Variants in NAV3 observed in about 807,000 individuals in gnomAD.
The protein encoded by NAV3 is neuron navigator 3, also known as pore membrane and/or filament interacting like protein 1.
Under a neutral mutation model 244.7 loss-of-function variants are expected in NAV3, and 87 were observed. That is an observed-to-expected ratio of 0.36 (90% CI 0.30 to 0.42). NAV3 has a LOEUF of 0.42. NAV3 is among the 20% of genes least tolerant of loss of function. The pLI is 1.00. For synonymous variants in NAV3, 1,126 were observed against 1,042.2 expected, an observed-to-expected ratio of 1.08 and a Z score of -1.55; for missense variants, 2,663 against 2,893.3, an observed-to-expected ratio of 0.92 and a Z score of 1.83.
At position 78,062,412 on chromosome 12, in the gene NAV3, A is replaced by T. The variant is rs374896088; in HGVS notation, c.2636+3297A>T. Among the ~76,000 whole-genome samples the T allele has an allele frequency of 2.0e-5, 3 of 152,236 alleles. No homozygotes were observed. In the East Asian group the frequency reaches 5.8e-4, roughly 29 times the overall value. On this transcript the variant is annotated intron_variant, in intron 12 of 39. Coordinates refer to ENST00000397909, the MANE Select transcript of NAV3 (RefSeq NM_001024383.2). Reference sequence around the variant, plus strand: ...AGACAATAGTAGACATTGTAAATCAAAAATAGTTTTCTGGGGTTGTGTACA... The same window carrying T: ...AGACAATAGTAGACATTGTAAATCATAAATAGTTTTCTGGGGTTGTGTACA...
intron 6 of NAV3, among the ~76,000 whole-genome samples, chr12:77,995,340 T>G (rs1593226448): frequency 6.6e-6 from 1 of 152,200 alleles, no homozygotes; most frequent in East Asian, 1.9e-4. Flanking sequence ...AATAGTTTAA[T>G]TTTTTTGCTT....
At chr12:77,821,541 T>C (rs192695736) in intron 2 of NAV3, among the ~76,000 whole-genome samples, 46 of 152,320 alleles carry the variant, frequency 3.0e-4, no homozygotes, top group Admixed American at 3.0e-3. Flanking sequence ...CAAGTGATCC[T>C]ATAAATCTTT....
intron 1 of NAV3, among the ~76,000 whole-genome samples, chr12:77,923,427 T>TA (rs1291976560): frequency 2.0e-5 from 3 of 152,064 alleles, no homozygotes; most frequent in Non-Finnish European, 4.4e-5. Flanking sequence ...TCCAAATTTT[T>TA]AAAAAAATCT....
intron 3 of NAV3, among the ~76,000 whole-genome samples, chr12:77,951,131 C>T (rs1221575326): frequency 6.6e-6 from 1 of 152,270 alleles, no homozygotes; most frequent in East Asian, 1.9e-4. Context: ...AGTGAACAGG[C>T]AACCTACAAA....
intron 2 of NAV3, among the ~76,000 whole-genome samples, chr12:77,679,467 G>A (rs1035041732): frequency 1.3e-5 from 2 of 151,962 alleles, no homozygotes; most frequent in South Asian, 4.1e-4. Flanking sequence ...TTCCCTTCTC[G>A]TCATGTTGAG....
Position 77,766,735 on chromosome 12 carries a change from G to GTT in NAV3, c.73-173549_73-173548dup, listed in dbSNP as rs748531378. Among the ~76,000 whole-genome samples, 93 of 60,514 alleles carry GTT rather than the reference G, an allele frequency of 1.5e-3. 16 individuals carry two copies. Among genetic ancestry groups the GTT allele is most frequent in the African/African-American group, 5.1e-3 (81 of 15,832 alleles). The allele number at this position is 60,514 out of a possible 152,430, so 39.7% of individuals were successfully genotyped here. ...AGGATTCTAAAAAACAGGCAATTAA[G>GTT]TTTTTTTTTTTTTTTTTTTTTTTTT... On this transcript the variant is annotated intron_variant, in intron 2 of 8. Coordinates refer to the NAV3 transcript ENST00000550042.
chr12:77,646,704 G>A (rs1464351608), intron 2 of NAV3, among the ~76,000 whole-genome samples: 2 of 152,048 alleles, frequency 1.3e-5, no homozygotes, highest in African/African-American at 2.4e-5. Flanking sequence ...AAGATGTTGG[G>A]GTTGGGGGTG....
intron 1 of NAV3, among the ~76,000 whole-genome samples, chr12:77,848,934 T>C (rs1281972544): frequency 2.0e-5 from 3 of 152,198 alleles, no homozygotes; most frequent in African/African-American, 7.2e-5. Flanking sequence ...GAAAGAGATA[T>C]GTGCTGTGTT....
At chr12:78,169,108 A>G (rs1957898280) in intron 24 of NAV3, among the ~76,000 whole-genome samples, 1 of 151,794 alleles carries the variant, frequency 6.6e-6, no homozygotes, top group Admixed American at 6.6e-5. Flanking sequence ...AACTGATCTT[A>G]AGAAATTTGG....
intron 2 of NAV3, among the ~76,000 whole-genome samples, chr12:77,592,196 G>A (rs711107): frequency 6.6e-6 from 1 of 152,138 alleles, no homozygotes; most frequent in Non-Finnish European, 1.5e-5. Flanking sequence ...TCAACATGGG[G>A]CTGGAGACTG....
intron 38 of NAV3, among the ~76,000 whole-genome samples, chr12:78,203,959 A>G (rs1960014741): frequency 6.6e-6 from 1 of 151,382 alleles, no homozygotes; most frequent in Admixed American, 6.6e-5. Context: ...TGATTCTTCC[A>G]TTCCACTGCC....
intron 2 of NAV3, among the ~76,000 whole-genome samples, chr12:77,734,663 T>C (rs1877264068): frequency 6.6e-6 from 1 of 152,160 alleles, no homozygotes; most frequent in Non-Finnish European, 1.5e-5. Context: ...ATTTATTTTT[T>C]TAAACCTCCA....
chr12:77,645,367 G>T (rs1257331124), intron 2 of NAV3, among the ~76,000 whole-genome samples: 2 of 151,372 alleles, frequency 1.3e-5, no homozygotes, highest in African/African-American at 4.9e-5. Flanking sequence ...ACCTCAGCTG[G>T]AATTCTGCTT....
Position 78,177,241 on chromosome 12 carries a change from C to T in NAV3, c.5225C>T (p.Ala1742Val), listed in dbSNP as rs751454448. 20 of 1,613,562 alleles carry T rather than the reference C, an allele frequency of 1.2e-5. No individual in the cohort carries two copies. Among genetic ancestry groups the T allele is most frequent in the Non-Finnish European group, 1.7e-5 (20 of 1,179,648 alleles). Residue 1742 changes from alanine to valine, a missense_variant, in exon 27 of 40, where the codon GCA becomes GTA. Physicochemically the swap from Ala to Val is moderately conservative, Grantham distance 64. Transcript: ENST00000397909. ...GAGCTTACTGATTCATCCCTTCCGG[C>T]ATCCCCCAAGTTACCCCATAATGCT... ...IEELTDSSLP[A>V]SPKLPHNAGD...
intron 2 of NAV3, among the ~76,000 whole-genome samples, chr12:77,754,867 G>A (rs1869048262): frequency 6.6e-6 from 1 of 151,998 alleles, no homozygotes; most frequent in Admixed American, 6.6e-5. Context: ...CTGTTATTTG[G>A]CTCCAGTTTT....
intron 2 of NAV3, among the ~76,000 whole-genome samples, chr12:77,599,947 A>G (rs1870348343): frequency 6.6e-6 from 1 of 151,952 alleles, no homozygotes; most frequent in Non-Finnish European, 1.5e-5. Flanking sequence ...GTGAATAGAA[A>G]GTCAATTTGC....
intron 12 of NAV3, among the ~76,000 whole-genome samples, chr12:78,078,043 A>T (rs1361455084): frequency 7.2e-6 from 1 of 139,238 alleles, no homozygotes; most frequent in Non-Finnish European, 1.5e-5. Flanking sequence ...CGAGTGAGGG[A>T]TCCTGTCTCC....
At chr12:77,684,909 A>C (rs946664155) in intron 2 of NAV3, among the ~76,000 whole-genome samples, 2 of 152,012 alleles carry the variant, frequency 1.3e-5, no homozygotes, top group African/African-American at 4.8e-5. Context: ...ATTTTGAAAA[A>C]ATTTTCCTTT....
chr12:77,925,755 A>C (rs1192955439), intron 1 of NAV3, among the ~76,000 whole-genome samples: 1 of 152,162 alleles, frequency 6.6e-6, no homozygotes, highest in Non-Finnish European at 1.5e-5. Context: ...GAGAGACACC[A>C]ACTGCAGAAA....
Sources: allele counts gnomAD v4.1 joint callset (sites outside exome capture counted in the v4.1 genomes callset), GRCh38; gene constraint gnomAD v4.1.1; transcripts MANE v1.5; gene names NCBI Gene and HGNC (gene_info 2026-07-23, HGNC 2026-07-21).